SSH1: variants seen among roughly 807,000 people sequenced by gnomAD.
The protein encoded by SSH1 is protein phosphatase Slingshot homolog 1.
Under a neutral mutation model 79.7 loss-of-function variants are expected in SSH1, and 43 were observed. That is an observed-to-expected ratio of 0.54 (90% CI 0.42 to 0.70). The LOEUF is 0.70. Ranked by LOEUF, SSH1 falls within the 30% of genes least tolerant of loss-of-function variation. SSH1 has a pLI of 0.00. For missense variants in SSH1, 1,206 were observed against 1,358.8 expected (o/e 0.89, Z 1.77); for synonymous variants, 599 against 538.3 (o/e 1.11, Z -1.56).
At chr12:108,821,392 C>G (rs2038113538) in intron 3 of SSH1, among the ~76,000 whole-genome samples, 1 of 150,540 alleles carries the variant, frequency 6.6e-6, no homozygotes, top group African/African-American at 2.5e-5. Context: ...AGATCCGTCT[C>G]TAAAAAAACT....
At chr12:108,827,529 C>T in intron 2 of SSH1, 1 of 1,282,726 alleles carries the variant, frequency 7.8e-7, no homozygotes, top group Non-Finnish European at 9.9e-7. Context: ...CTCTTGTCTT[C>T]CTCTGATATT....
chr12:108,812,297 C>T (rs1461285971), intron 5 of SSH1, among the ~76,000 whole-genome samples: 1 of 152,236 alleles, frequency 6.6e-6, no homozygotes, highest in African/African-American at 2.4e-5. Flanking sequence ...TCACAGAGCT[C>T]TAGGGACCAC....
intron 7 of SSH1, among the ~76,000 whole-genome samples, chr12:108,808,821 CTTTTTTTTTTTTTTTT>C (rs148110288): frequency 2.5e-5 from 2 of 80,228 alleles, no homozygotes; most frequent in Admixed American, 1.4e-4. Context: ...TCTTTTACTT[CTTTTTTTTTTTTTTTT>C]TTTTTTTTTT....
chr12:108,819,107 G>T (rs770535472), intron 3 of SSH1, among the ~76,000 whole-genome samples: 2 of 151,978 alleles, frequency 1.3e-5, no homozygotes, highest in South Asian at 4.1e-4. Context: ...TTCCATAACC[G>T]GGGGGGCGGG....
At chr12:108,826,913 A>G (rs1299299948) in intron 2 of SSH1, among the ~76,000 whole-genome samples, 1 of 152,102 alleles carries the variant, frequency 6.6e-6, no homozygotes, top group Admixed American at 6.5e-5. Context: ...GTGTCCTAAA[A>G]GGAGTGACTA....
intron 2 of SSH1, among the ~76,000 whole-genome samples, chr12:108,850,972 A>G (rs2039026098): frequency 6.6e-6 from 1 of 151,404 alleles, no homozygotes; most frequent in Non-Finnish European, 1.5e-5. Context: ...CTTCCACTCC[A>G]CCCCTCCCTG....
chr12:108,846,116 C>T (rs557594711), intron 2 of SSH1, among the ~76,000 whole-genome samples: 6 of 152,142 alleles, frequency 3.9e-5, no homozygotes, highest in South Asian at 2.1e-4. Context: ...GAAGGGAGTG[C>T]GGAGAGAAAG....
intron 2 of SSH1, among the ~76,000 whole-genome samples, chr12:108,839,223 G>T (rs2038716743): frequency 6.6e-6 from 1 of 152,224 alleles, no homozygotes; most frequent in African/African-American, 2.4e-5. Flanking sequence ...TTTCACAAGA[G>T]GTTCTTTTCC....
rs1187112597 is a variant in SSH1, at chr12:108,782,132, CAAAAAAAAAAAAAAAAAAATT to C, written c.*5835_*5855del. On this transcript the variant is annotated 3_prime_UTR_variant, in exon 15 of 15. Transcript: ENST00000326495. ...TGAGCAAGAGAGCCAGACCCAGTCT[CAAAAAAAAAAAAAAAAAAATT>C]AAAAAAAAAAAAATGGAAGCAGCTC... is the stretch of plus-strand genomic sequence containing the variant. The C allele has an allele frequency of 8.7e-5, 8 of 92,336 alleles. No homozygotes were observed. The East Asian group carries it at 1.2e-3, about 13-fold the overall frequency. The allele number at this position is 92,336 out of a possible 1,614,324, so 5.7% of individuals were successfully genotyped here.
At position 108,809,046 on chromosome 12, in the gene SSH1, C is replaced by T. The variant is rs141977240; in HGVS notation, c.536+647G>A. 6.0e-3 allele frequency among the ~76,000 whole-genome samples: 907 copies of T among 151,824 alleles called. 6 individuals are homozygous for T. Among genetic ancestry groups the T allele is most frequent in the Non-Finnish European group, 9.2e-3 (626 of 67,884 alleles). ...ACAGCATTTTGCCATGTTGGCCAGGCTGGTCTCAAACTCCTGACCTCAGGT... is the reference window on the plus strand; with the variant it reads ...ACAGCATTTTGCCATGTTGGCCAGGTTGGTCTCAAACTCCTGACCTCAGGT... On this transcript the variant is annotated intron_variant, in intron 7 of 14. Coordinates refer to ENST00000326495, the MANE Select transcript of SSH1 (RefSeq NM_018984.4).
intron 13 of SSH1, among the ~76,000 whole-genome samples, chr12:108,798,074 CT>C (rs1593022659): frequency 6.6e-6 from 1 of 152,372 alleles, no homozygotes; most frequent in East Asian, 1.9e-4. Context: ...GGGTTCACTC[CT>C]GCCAGAGCAA....
chr12:108,805,546 T>C (rs2137064099), intron 9 of SSH1, among the ~76,000 whole-genome samples: 1 of 152,290 alleles, frequency 6.6e-6, no homozygotes, highest in East Asian at 1.9e-4. Flanking sequence ...AATATGATTT[T>C]TAAAAAATGT....
rs2036162405 is a variant in SSH1, at chr12:108,782,605, A to G, written c.*5383T>C. ...AATAGATGCTCAATAAAGACTGGCC[A>G]TGTCAATGACGATGATGATGACGAT... On this transcript the variant is annotated 3_prime_UTR_variant, in exon 15 of 15. Transcript: ENST00000326495. 1 of 152,222 alleles carries G rather than the reference A, an allele frequency of 6.6e-6. No individual in the cohort carries two copies. The highest frequency in any genetic ancestry group is 1.5e-5 in the Non-Finnish European group (1 of 68,036). The allele number at this position is 152,222 out of a possible 1,614,324, so 9.4% of individuals were successfully genotyped here. A position where few individuals can be genotyped will look rare whatever the true frequency, so the allele number is the denominator to read the frequency against.
In SSH1 at chr12:108,787,617, G is replaced by A. The variant is rs2036317807; in HGVS notation, c.*371C>T. The A allele has an allele frequency of 7.2e-6, 2 of 277,878 alleles. No homozygotes were observed. The highest frequency in any genetic ancestry group is 9.8e-5 in the Admixed American group (2 of 20,420). The allele number at this position is 277,878 out of a possible 1,614,324, so 17.2% of individuals were successfully genotyped here. ...AGGCCAAGAATGAGCTAGAACGTGT[G>A]CCGCGGTGAGGCTGCCACCACCAGG... On this transcript the variant is annotated 3_prime_UTR_variant, in exon 15 of 15. Transcript: ENST00000326495.
At chr12:108,836,949 G>A (rs996026111) in intron 2 of SSH1, 7 of 529,180 alleles carry the variant, frequency 1.3e-5, no homozygotes, top group African/African-American at 1.2e-4. Flanking sequence ...TCCAGGTCAT[G>A]GTCGACCGCA....
intron 6 of SSH1, among the ~76,000 whole-genome samples, chr12:108,810,145 C>G (rs548847987): frequency 6.6e-6 from 1 of 151,544 alleles, no homozygotes; most frequent in South Asian, 2.1e-4. Context: ...CATAGGATTG[C>G]ACGGAAAATA....
rs2036118063 is a variant in SSH1, at chr12:108,778,468, C to A, written c.*9520G>T. 2 of 152,312 alleles carry A rather than the reference C, an allele frequency of 1.3e-5. No individual in the cohort carries two copies. Among genetic ancestry groups the A allele is most frequent in the South Asian group, 4.1e-4 (2 of 4,828 alleles). 9.4% of individuals were successfully genotyped at this position (152,312 alleles called of 1,614,324 possible). A position where few individuals can be genotyped will look rare whatever the true frequency, so the allele number is the denominator to read the frequency against. On this transcript the variant is annotated 3_prime_UTR_variant, in exon 15 of 15. Transcript: ENST00000326495. Reference sequence around the variant, plus strand: ...CCCCTTCCTGGCTGTGTGTCCCTGACCCACGTTACCTAACCTCTCTGAGCA... The same window carrying A: ...CCCCTTCCTGGCTGTGTGTCCCTGAACCACGTTACCTAACCTCTCTGAGCA...
At chr12:108,796,517 TGTCA>T (rs2036759175) in intron 13 of SSH1, among the ~76,000 whole-genome samples, 2 of 152,250 alleles carry the variant, frequency 1.3e-5, no homozygotes, top group African/African-American at 2.4e-5. Context: ...TCGTAGCCTG[TGTCA>T]GTCTTTCCTT....
intron 14 of SSH1, among the ~76,000 whole-genome samples, chr12:108,789,521 T>G (rs1178438171): frequency 1.3e-5 from 2 of 152,172 alleles, no homozygotes; most frequent in African/African-American, 4.8e-5. Context: ...AGGATCTAAG[T>G]GAACGTGACA....
Sources: allele counts gnomAD v4.1 joint callset (sites outside exome capture counted in the v4.1 genomes callset), GRCh38; gene constraint gnomAD v4.1.1; transcripts MANE v1.5; gene names NCBI Gene and HGNC (gene_info 2026-07-23, HGNC 2026-07-21).